Variants in CHLSN observed in about 807,000 individuals in gnomAD.
CHLSN encodes the protein protein cholesin.
At chr7:1,081,512 G>C in the CHLSN span, among the ~76,000 whole-genome samples, 1 of 152,262 alleles carries the variant, frequency 6.6e-6, no homozygotes. Context: ...CAAGGGGGCA[G>C]CCTGGACTGG....
chr7:1,122,554 A>T, the CHLSN span, among the ~76,000 whole-genome samples: 1 of 152,148 alleles, frequency 6.6e-6, no homozygotes, highest in East Asian at 1.9e-4. Context: ...TGAAAGACAG[A>T]AAGACCTGCC....
At chr7:1,046,441 C>G in the CHLSN span, among the ~76,000 whole-genome samples, 25,327 of 152,218 alleles carry the variant, frequency 0.17, 2,222 homozygotes, top group Admixed American at 0.22. Flanking sequence ...AGGGCTTTCA[C>G]TAACCCACCT....
the CHLSN span, chr7:1,025,195 C>T: frequency 6.6e-6 from 1 of 152,368 alleles, no homozygotes; most frequent in African/African-American, 2.4e-5. Context: ...CAGGCACCTC[C>T]CCGCAGAGCT....
chr7:1,028,916 C>G, the CHLSN span: 4 of 714,758 alleles, frequency 5.6e-6, no homozygotes, highest in African/African-American at 2.0e-5. Flanking sequence ...CCATCTCCCC[C>G]AGTCTGCCCC....
the CHLSN span, among the ~76,000 whole-genome samples, chr7:1,075,705 T>C: frequency 2.0e-5 from 3 of 149,122 alleles, no homozygotes; most frequent in Admixed American, 6.7e-5. Context: ...CTCCGCCTCC[T>C]GGGTTCACGC....
chr7:1,103,937 G>A, the CHLSN span, among the ~76,000 whole-genome samples: 2 of 152,208 alleles, frequency 1.3e-5, no homozygotes, highest in South Asian at 2.1e-4. Flanking sequence ...TGGCCTGAAC[G>A]GCCCACAGCA....
chr7:984,428 G>T, the CHLSN span: 1 of 1,548,482 alleles, frequency 6.5e-7, no homozygotes. Flanking sequence ...GAACGCTACG[G>T]GCCGGTGTTC....
At chr7:996,559 T>C in the CHLSN span, among the ~76,000 whole-genome samples, 1 of 152,338 alleles carries the variant, frequency 6.6e-6, no homozygotes, top group South Asian at 2.1e-4. Flanking sequence ...CCGGAGCCAC[T>C]GGCCTCAGCC....
the CHLSN span, among the ~76,000 whole-genome samples, chr7:980,106 G>C: frequency 2.6e-5 from 4 of 152,352 alleles, no homozygotes; most frequent in Admixed American, 6.5e-5. Flanking sequence ...GTGGTTGGGA[G>C]AATCTGTGCG....
the CHLSN span, among the ~76,000 whole-genome samples, chr7:990,605 C>T: frequency 1.3e-5 from 2 of 152,040 alleles, no homozygotes; most frequent in East Asian, 3.9e-4. Flanking sequence ...GCCGCAGGGT[C>T]CCTAAGTCAT....
chr7:986,393 C>G, the CHLSN span: 1 of 579,124 alleles, frequency 1.7e-6, no homozygotes, highest in East Asian at 3.0e-5. Context: ...GGAAGGAGGT[C>G]CTGCTGTGCA....
the CHLSN span, among the ~76,000 whole-genome samples, chr7:1,016,721 G>C: frequency 8.5e-6 from 1 of 117,528 alleles, no homozygotes; most frequent in Non-Finnish European, 1.8e-5. Flanking sequence ...GCGCACAGCA[G>C]CACACAGCAG....
the CHLSN span, among the ~76,000 whole-genome samples, chr7:1,116,449 C>T: frequency 3.3e-5 from 4 of 119,712 alleles, no homozygotes; most frequent in Non-Finnish European, 5.0e-5. Flanking sequence ...CCGACGTCCA[C>T]GCAGGATGAT....
the CHLSN span, among the ~76,000 whole-genome samples, chr7:1,053,558 T>C: frequency 2.6e-5 from 4 of 152,220 alleles, no homozygotes; most frequent in Non-Finnish European, 4.4e-5. Context: ...CTGGGCATGG[T>C]GGCTCACGTC....
the CHLSN span, among the ~76,000 whole-genome samples, chr7:1,072,983 A>G: frequency 6.6e-6 from 1 of 152,196 alleles, no homozygotes; most frequent in Non-Finnish European, 1.5e-5. Context: ...CAGAGCCTTC[A>G]AAAGTTCTTC....
chr7:1,026,665 T>C, the CHLSN span: 1 of 152,202 alleles, frequency 6.6e-6, no homozygotes, highest in Non-Finnish European at 1.5e-5. Context: ...AATCACATTA[T>C]TAACGTTTAA....
the CHLSN span, among the ~76,000 whole-genome samples, chr7:1,086,060 G>A: frequency 6.6e-5 from 10 of 152,314 alleles, no homozygotes; most frequent in South Asian, 4.1e-4. Context: ...GCCCCGATCC[G>A]CTGACTCTAT....
At chr7:1,004,480 C>G in the CHLSN span, among the ~76,000 whole-genome samples, 2 of 120,670 alleles carry the variant, frequency 1.7e-5, no homozygotes, top group South Asian at 5.3e-4. Context: ...ACTGCTGGCC[C>G]ACGGCACTGC....
At chr7:997,681 G>C in the CHLSN span, 27 of 1,610,894 alleles carry the variant, frequency 1.7e-5, no homozygotes, top group Non-Finnish European at 2.2e-5. Flanking sequence ...GGCAGGGGGG[G>C]ATCAGAGCCC....
Sources: gnomAD v4.1 joint callset for allele counts (sites outside exome capture counted in the v4.1 genomes callset) on GRCh38, gnomAD v4.1.1 for gene constraint, MANE v1.5 for transcripts, NCBI Gene and HGNC (gene_info 2026-07-23, HGNC 2026-07-21) for gene names.